The following PRKN variants were observed in gnomAD, a reference collection of about 807,000 sequenced individuals.
The protein encoded by PRKN is E3 ubiquitin-protein ligase parkin.
A neutral mutation model predicts 59.5 loss-of-function variants in PRKN; 56 were observed. The ratio of observed to expected loss-of-function variants is 0.94; its 90% confidence interval spans 0.76 to 1.18. PRKN has a LOEUF of 1.18. Ranked by LOEUF, PRKN falls within the 50% of genes most tolerant of loss-of-function variation. The pLI, the probability that PRKN is intolerant of heterozygous loss-of-function variation, is 0.00. For synonymous variants in PRKN, 250 were observed against 222.1 expected, an observed-to-expected ratio of 1.13 and a Z score of -1.12; for missense variants, 657 against 596.4, an observed-to-expected ratio of 1.10 and a Z score of -1.06.
intron 1 of PRKN, among the ~76,000 whole-genome samples, chr6:162,666,237 T>C (rs1411581806): frequency 2.0e-5 from 3 of 152,124 alleles, no homozygotes; most frequent in Admixed American, 6.6e-5. Context: ...GTGGTTAGAA[T>C]GCGGCATGCT....
chr6:161,922,604 T>C (rs551530564), intron 6 of PRKN, among the ~76,000 whole-genome samples: 16 of 152,288 alleles, frequency 1.1e-4, no homozygotes, highest in African/African-American at 3.8e-4. Flanking sequence ...TATAAGTACA[T>C]GAGGTAATTC....
chr6:162,076,970 TTCAC>T (rs1778855006), intron 4 of PRKN, among the ~76,000 whole-genome samples: 1 of 152,072 alleles, frequency 6.6e-6, no homozygotes, highest in Non-Finnish European at 1.5e-5. Context: ...TCCCATCTTC[TTCAC>T]TCACTCATCC....
In PRKN at chr6:161,645,981, G is replaced by A. The variant is rs1446465309; in HGVS notation, c.872-76565C>T. 3.0e-5 allele frequency among the ~76,000 whole-genome samples: 4 copies of A among 133,378 alleles called. 1 individual carries two copies. The highest frequency in any genetic ancestry group is 5.1e-5 in the Non-Finnish European group (3 of 59,024). The allele number at this position is 133,378 out of a possible 152,430, so 87.5% of individuals were successfully genotyped here. On this transcript the variant is annotated intron_variant, in intron 7 of 11. Transcript: ENST00000366898. ...GCGTATCAGTGACAGTGGTCACTGC[G>A]TGTGCGTGCGTGGCGGAGGAGGTGG...
At chr6:162,508,108 G>T (rs1323002850) in intron 1 of PRKN, among the ~76,000 whole-genome samples, 1 of 152,168 alleles carries the variant, frequency 6.6e-6, no homozygotes, top group Non-Finnish European at 1.5e-5. Flanking sequence ...TCAGAATCAT[G>T]GCAGGAGGCA....
chr6:161,555,575 C>T lies in PRKN; in HGVS notation c.934-6572G>A, dbSNP rs146051382. On this transcript the variant is annotated intron_variant, in intron 8 of 11. Transcript: ENST00000366898. ...CACAACTCTGTTACCCCATTTTTAA[C>T]CGGACTATCTCCTTCCTTTTTTTCT... Among the ~76,000 whole-genome samples, 542 of 152,278 alleles carry T rather than the reference C, an allele frequency of 3.6e-3. 3 individuals carry two copies. The highest frequency in any genetic ancestry group is 0.02 in the Middle Eastern group (6 of 294).
rs1419699903 is a variant in PRKN at position 161,460,234 on chromosome 6, C to A, written c.1084-73357G>T. On this transcript the variant is annotated intron_variant, in intron 9 of 11. Coordinates refer to ENST00000366898, the MANE Select transcript of PRKN (RefSeq NM_004562.3). This position sits in a 1 kb window ranked among gnomAD's most constrained non-coding sequence, Gnocchi z 5.0. ...TTTTAGGATGTCACAGAGGTTGCAA[C>A]AAAAGATTATTTTATTTAATTCTTG... Among the ~76,000 whole-genome samples the A allele has an allele frequency of 6.6e-6, 1 of 152,128 alleles. No homozygotes were observed. Among genetic ancestry groups the A allele is most frequent in the Non-Finnish European group, 1.5e-5 (1 of 68,018 alleles).
At chr6:161,792,690 T>C (rs1790686186) in intron 6 of PRKN, among the ~76,000 whole-genome samples, 1 of 152,206 alleles carries the variant, frequency 6.6e-6, no homozygotes, top group Non-Finnish European at 1.5e-5. Context: ...TCTTAGTTTG[T>C]GCAATAGTAA....
At chr6:162,143,847 C>T (rs184926488) in intron 4 of PRKN, among the ~76,000 whole-genome samples, 6 of 152,042 alleles carry the variant, frequency 3.9e-5, no homozygotes, top group Non-Finnish European at 8.8e-5. Flanking sequence ...CGGGCTGCAG[C>T]CATTCCAGGC....
intron 1 of PRKN, among the ~76,000 whole-genome samples, chr6:162,574,606 G>T (rs1285479306): frequency 6.6e-6 from 1 of 152,024 alleles, no homozygotes; most frequent in Non-Finnish European, 1.5e-5. Flanking sequence ...ATTTCTGAAG[G>T]CTAAATTCTC....
chr6:162,251,384 T>G (rs538238576), intron 3 of PRKN, among the ~76,000 whole-genome samples: 1 of 152,190 alleles, frequency 6.6e-6, no homozygotes, highest in Non-Finnish European at 1.5e-5. Context: ...CATTATGGAA[T>G]ATGATGATCA....
At chr6:161,479,554 G>A (rs550058811) in intron 9 of PRKN, among the ~76,000 whole-genome samples, 1 of 152,308 alleles carries the variant, frequency 6.6e-6, no homozygotes, top group Non-Finnish European at 1.5e-5. Flanking sequence ...TCTCAGTTTG[G>A]CTGGAAAGGA....
At chr6:161,392,273 A>G (rs1786545387) in intron 9 of PRKN, among the ~76,000 whole-genome samples, 1 of 151,706 alleles carries the variant, frequency 6.6e-6, no homozygotes, top group Non-Finnish European at 1.5e-5. Context: ...AATCCCAGCT[A>G]CTTGGGAGGC....
At chr6:161,927,773 TAA>T (rs933418797) in intron 6 of PRKN, among the ~76,000 whole-genome samples, 1 of 143,984 alleles carries the variant, frequency 6.9e-6, no homozygotes, top group Non-Finnish European at 1.5e-5. Flanking sequence ...AAACTCTGTT[TAA>T]AAAAAAAAAA....
chr6:162,490,911 A>T (rs1368433096), intron 1 of PRKN, among the ~76,000 whole-genome samples: 1 of 152,110 alleles, frequency 6.6e-6, no homozygotes. Context: ...AGGAGGGTGG[A>T]TCACTTGAGG....
At chr6:162,400,429 T>C (rs1205744772) in intron 2 of PRKN, among the ~76,000 whole-genome samples, 1 of 131,766 alleles carries the variant, frequency 7.6e-6, no homozygotes, top group African/African-American at 3.0e-5. Context: ...GACTTGCCTC[T>C]GACTTTCCCA....
chr6:162,339,520 G>T (rs1784059971), intron 2 of PRKN, among the ~76,000 whole-genome samples: 2 of 131,386 alleles, frequency 1.5e-5, no homozygotes, highest in South Asian at 2.5e-4. Flanking sequence ...GAGGTGGGGG[G>T]GTCAGCCCCC....
In PRKN at chr6:161,456,722, G is replaced by A. The variant is rs1249278056; in HGVS notation, c.1084-69845C>T. ...AAAGCTGCTCTTTGGGTTTGCGAAT[G>A]CTGACCTGGGTCTGCTTTGTATGGG... On this transcript the variant is annotated intron_variant, in intron 9 of 11. Transcript: ENST00000366898. The surrounding 1 kb of genome is among the most constrained non-coding windows in gnomAD (Gnocchi z 4.8). Among the ~76,000 whole-genome samples the A allele has an allele frequency of 1.3e-5, 2 of 152,212 alleles. No individual in the cohort carries two copies. Among genetic ancestry groups the A allele is most frequent in the Non-Finnish European group, 2.9e-5 (2 of 68,036 alleles).
At chr6:161,568,913 C>T (rs936736867) in intron 8 of PRKN, among the ~76,000 whole-genome samples, 1 of 151,812 alleles carries the variant, frequency 6.6e-6, no homozygotes, top group Non-Finnish European at 1.5e-5. Flanking sequence ...CATGTTCATA[C>T]CCGTGTACAA....
At chr6:161,542,868 T>C (rs1779664719) in intron 9 of PRKN, among the ~76,000 whole-genome samples, 1 of 152,178 alleles carries the variant, frequency 6.6e-6, no homozygotes, top group Non-Finnish European at 1.5e-5. Context: ...ACATCATATA[T>C]TTGGAGACTA....
Sources: gnomAD v4.1 joint callset for allele counts (sites outside exome capture counted in the v4.1 genomes callset) on GRCh38, gnomAD v4.1.1 for gene constraint, Gnocchi (gnomAD v3.1) non-coding constraint, MANE v1.5 for transcripts, NCBI Gene and HGNC (gene_info 2026-07-23, HGNC 2026-07-21) for gene names.